Variants in COBL observed in about 807,000 individuals in gnomAD.
The protein encoded by COBL is protein cordon-bleu.
Under a neutral mutation model 98.8 loss-of-function variants are expected in COBL, and 51 were observed. The ratio of observed to expected loss-of-function variants is 0.52; its 90% CI spans 0.41 to 0.65. The LOEUF (loss-of-function observed/expected upper bound fraction) is 0.65. COBL is among the 30% of genes least tolerant of loss of function. The pLI, the probability that COBL is intolerant of heterozygous loss-of-function variation, is 0.00. For synonymous variants in COBL, 634 were observed against 651.7 expected (o/e 0.97, Z 0.41); for missense variants, 1,617 against 1,617.5 (o/e 1.00, Z 0.01).
At chr7:51,270,877 G>A (rs1798692749) in intron 1 of COBL, among the ~76,000 whole-genome samples, 1 of 151,928 alleles carries the variant, frequency 6.6e-6, no homozygotes, top group African/African-American at 2.4e-5. Context: ...AAATTTGCAA[G>A]TATGTATGTT....
chr7:51,071,977 T>C (rs1446252290), intron 7 of COBL: 1 of 151,814 alleles, frequency 6.6e-6, no homozygotes, highest in Non-Finnish European at 1.5e-5. Flanking sequence ...TAACTTTCTG[T>C]TTTTTTCACC....
At chr7:51,053,501 A>G (rs1213108636) in intron 7 of COBL, among the ~76,000 whole-genome samples, 1 of 152,202 alleles carries the variant, frequency 6.6e-6, no homozygotes, top group Non-Finnish European at 1.5e-5. Flanking sequence ...AATATAATCA[A>G]CGTTTAGTGT....
rs555579602 is a variant in COBL, at chr7:51,303,798, A to G, written c.41+12795T>C. 5.9e-5 allele frequency among the ~76,000 whole-genome samples: 9 copies of G among 152,288 alleles called. No individual in the cohort carries two copies. The South Asian group carries it at 1.9e-3, about 32-fold the overall frequency. ...TCCTTATACTTTTCCCAGTGGGTCTACAGACTGGCTGAGTATTTTATCCAA... is the reference window on the plus strand; with the variant it reads ...TCCTTATACTTTTCCCAGTGGGTCTGCAGACTGGCTGAGTATTTTATCCAA... On this transcript the variant is annotated intron_variant, in intron 1 of 12. Transcript: ENST00000265136.
At chr7:51,300,930 C>T (rs1801888806) in intron 1 of COBL, among the ~76,000 whole-genome samples, 1 of 152,168 alleles carries the variant, frequency 6.6e-6, no homozygotes, top group Admixed American at 6.5e-5. Context: ...GTGACTGGGT[C>T]AGGAGTGTGC....
intron 6 of COBL, among the ~76,000 whole-genome samples, chr7:51,095,993 A>G (rs553717189): frequency 2.0e-5 from 3 of 152,336 alleles, no homozygotes; most frequent in Non-Finnish European, 2.9e-5. Flanking sequence ...AGAGAGATCC[A>G]TAAGTAATAG....
intron 1 of COBL, among the ~76,000 whole-genome samples, chr7:51,234,699 T>TC (rs1196932920): frequency 2.1e-5 from 2 of 95,236 alleles, no homozygotes; most frequent in Admixed American, 1.1e-4. Context: ...AGGCCCTGTT[T>TC]CAGAAAAAAA....
intron 5 of COBL, among the ~76,000 whole-genome samples, chr7:51,183,490 GGT>G (rs1381573270): frequency 2.0e-5 from 3 of 151,462 alleles, no homozygotes; most frequent in Admixed American, 6.6e-5. Context: ...TTTTATTCTG[GGT>G]ACTATGACTT....
intron 1 of COBL, among the ~76,000 whole-genome samples, chr7:51,278,734 C>T (rs1330390905): frequency 6.6e-6 from 1 of 152,176 alleles, no homozygotes; most frequent in African/African-American, 2.4e-5. Context: ...ACCAGCCCCA[C>T]CATGTGCCCT....
Position 51,029,444 on chromosome 7 carries a change from G to A in COBL, c.1652C>T (p.Pro551Leu), listed in dbSNP as rs1451414117. The change falls in exon 10 of 13, where the codon CCT becomes CTT. Residue 551 changes from proline (P) to leucine (L), a missense_variant. Physicochemically the swap from Pro to Leu is moderately conservative, Grantham distance 98. Transcript: ENST00000265136. ...ATTGGAAAACAACCCCGAATCCACAGGATCATCTGAAACTTCCCCTATGAA... is the reference window on the plus strand; with the variant it reads ...ATTGGAAAACAACCCCGAATCCACAAGATCATCTGAAACTTCCCCTATGAA... Reference protein sequence around the residue: ...VTFIGEVSDDPVDSGLFSNRN... With the variant: ...VTFIGEVSDDLVDSGLFSNRN... 1.2e-6 allele frequency: 2 copies of A among 1,614,016 alleles called. No individual in the cohort carries two copies. Among genetic ancestry groups the A allele is most frequent in the African/African-American group, 2.7e-5 (2 of 74,902 alleles).
intron 1 of COBL, among the ~76,000 whole-genome samples, chr7:51,301,706 C>T (rs1208883784): frequency 2.0e-5 from 3 of 152,240 alleles, no homozygotes; most frequent in African/African-American, 4.8e-5. Context: ...CCCACCGCTA[C>T]GTGGTTCCAA....
At chr7:51,212,497 C>T (rs552493383) in intron 2 of COBL, among the ~76,000 whole-genome samples, 2 of 152,228 alleles carry the variant, frequency 1.3e-5, no homozygotes, top group Admixed American at 6.5e-5. Flanking sequence ...GAGGGGACTT[C>T]GATCTACATT....
chr7:51,089,407 C>T (rs1374984197), intron 6 of COBL, among the ~76,000 whole-genome samples: 3 of 151,896 alleles, frequency 2.0e-5, no homozygotes, highest in Non-Finnish European at 2.9e-5. Context: ...CCCAGCTACT[C>T]GGGAAGCTGA....
In COBL at chr7:51,208,082, G is replaced by A. The variant is rs546655270; in HGVS notation, c.245+11659C>T. Among the ~76,000 whole-genome samples the A allele has an allele frequency of 4.1e-3, 600 of 145,480 alleles. 7 individuals are homozygous for A. Among genetic ancestry groups the A allele is most frequent in the African/African-American group, 0.014 (551 of 38,462 alleles). On this transcript the variant is annotated intron_variant, in intron 2 of 12. Transcript: ENST00000265136. ...ATGTGGGGAGCGCCTCTGCCCCGCCGCCCCGTCTGGAATGTGAGGAGCGCC... is the reference window on the plus strand; with the variant it reads ...ATGTGGGGAGCGCCTCTGCCCCGCCACCCCGTCTGGAATGTGAGGAGCGCC...
At chr7:51,135,356 G>A (rs1799134994) in intron 6 of COBL, among the ~76,000 whole-genome samples, 1 of 152,136 alleles carries the variant, frequency 6.6e-6, no homozygotes, top group Admixed American at 6.5e-5. Flanking sequence ...GGATATGAAG[G>A]ACTAAGGATG....
intron 5 of COBL, among the ~76,000 whole-genome samples, chr7:51,151,587 T>C (rs1002410326): frequency 2.0e-5 from 3 of 152,342 alleles, no homozygotes; most frequent in Non-Finnish European, 2.9e-5. Context: ...ATATCCTTCA[T>C]GACCTGGTAG....
At chr7:51,080,929 TTAAC>T (rs1793594933) in intron 7 of COBL, among the ~76,000 whole-genome samples, 1 of 152,228 alleles carries the variant, frequency 6.6e-6, no homozygotes, top group Non-Finnish European at 1.5e-5. Flanking sequence ...TTCATTTTCC[TTAAC>T]TTTTTTAAGT....
chr7:51,038,524 G>A (rs1043664949), intron 8 of COBL, among the ~76,000 whole-genome samples: 2 of 152,196 alleles, frequency 1.3e-5, no homozygotes, highest in Admixed American at 6.5e-5. Flanking sequence ...GCAGGGAAAG[G>A]AGAAATAGCT....
intron 6 of COBL, among the ~76,000 whole-genome samples, chr7:51,100,346 C>T (rs1007223006): frequency 1.3e-5 from 2 of 152,166 alleles, no homozygotes; most frequent in African/African-American, 2.4e-5. Context: ...AGATGTAAAA[C>T]GTTCCTGACC....
chr7:51,284,060 C>T (rs1056582215), intron 1 of COBL, among the ~76,000 whole-genome samples: 8 of 138,848 alleles, frequency 5.8e-5, no homozygotes, highest in Non-Finnish European at 9.2e-5. Flanking sequence ...CCAAGGTGGG[C>T]GGATCACAAA....
Sources: gnomAD v4.1 joint callset for allele counts (sites outside exome capture counted in the v4.1 genomes callset) on GRCh38, gnomAD v4.1.1 for gene constraint, MANE v1.5 for transcripts, NCBI Gene and HGNC (gene_info 2026-07-23, HGNC 2026-07-21) for gene names.